PAM: variants seen among roughly 807,000 people sequenced by gnomAD.
PAM encodes the protein peptidylglycine alpha-amidating monooxygenase, also known as peptidyl-glycine alpha-amidating monooxygenase.
In PAM, 72 loss-of-function variants were observed where a neutral mutation model predicts 122.1. That is an observed-to-expected ratio of 0.59 (90% CI 0.49 to 0.72). The LOEUF (loss-of-function observed/expected upper bound fraction) is 0.72. Ranked by LOEUF, PAM falls within the 30% of genes least tolerant of loss-of-function variation. PAM has a pLI of 0.00. For synonymous variants in PAM, 389 were observed against 404.4 expected, an observed-to-expected ratio of 0.96 and a Z score of 0.46; for missense variants, 1,106 against 1,183.7, an observed-to-expected ratio of 0.93 and a Z score of 0.96.
intron 1 of PAM, among the ~76,000 whole-genome samples, chr5:102,757,713 G>C (rs184905184): frequency 1.4e-4 from 22 of 152,256 alleles, no homozygotes; most frequent in African/African-American, 5.1e-4. Flanking sequence ...GGTGGGTCCT[G>C]AAGTGACTCT....
At chr5:102,839,265 T>G (rs1777912341) in intron 1 of PAM, among the ~76,000 whole-genome samples, 1 of 152,194 alleles carries the variant, frequency 6.6e-6, no homozygotes, top group Non-Finnish European at 1.5e-5. Context: ...CAGAAATTTG[T>G]TACTGAAAAG....
intron 1 of PAM, among the ~76,000 whole-genome samples, chr5:102,860,001 C>A (rs990121638): frequency 3.4e-4 from 52 of 152,138 alleles, no homozygotes; most frequent in African/African-American, 1.2e-3. Flanking sequence ...AATGGCCTAA[C>A]ATAACAATGC....
intron 12 of PAM, 118 bp downstream of exon 12, chr5:102,950,938 A>G: frequency 1.6e-6 from 1 of 631,718 alleles, no homozygotes; most frequent in Admixed American, 2.9e-5. Context: ...GGACAATTAC[A>G]ACAAACTGTG....
At chr5:102,807,813 A>G (rs562079544) in intron 1 of PAM, among the ~76,000 whole-genome samples, 1 of 152,314 alleles carries the variant, frequency 6.6e-6, no homozygotes, top group East Asian at 1.9e-4. Context: ...TGGGAGCATT[A>G]TTTATTGACC....
intron 15 of PAM, among the ~76,000 whole-genome samples, chr5:102,982,043 C>T (rs766707861): frequency 3.4e-4 from 52 of 152,294 alleles, no homozygotes; most frequent in Non-Finnish European, 5.4e-4. Context: ...ACTGCCCCTG[C>T]CAGTGCCTGC....
chr5:102,802,959 A>G (rs1175474218), intron 1 of PAM, among the ~76,000 whole-genome samples: 1 of 152,026 alleles, frequency 6.6e-6, no homozygotes, highest in African/African-American at 2.4e-5. Context: ...CTCTACACAC[A>G]AAAAACATTA....
intron 1 of PAM, among the ~76,000 whole-genome samples, chr5:102,847,098 T>C (rs1561615905): frequency 6.6e-6 from 1 of 152,174 alleles, no homozygotes; most frequent in Non-Finnish European, 1.5e-5. Context: ...TTCTCCCGAG[T>C]CCCATTTTAC....
chr5:102,891,915 T>C (rs1052344399), intron 3 of PAM, among the ~76,000 whole-genome samples: 1 of 151,814 alleles, frequency 6.6e-6, no homozygotes, highest in Admixed American at 6.6e-5. Flanking sequence ...ATTGTTTGCC[T>C]ACTTTTCAGA....
intron 7 of PAM, among the ~76,000 whole-genome samples, chr5:102,942,028 A>G (rs989167454): frequency 2.0e-5 from 3 of 151,936 alleles, no homozygotes; most frequent in Middle Eastern, 3.2e-3. Context: ...CACAGAAATG[A>G]CCTTTTTTAT....
intron 23 of PAM, among the ~76,000 whole-genome samples, chr5:103,024,737 A>G (rs1181911949): frequency 6.6e-6 from 1 of 152,214 alleles, no homozygotes; most frequent in African/African-American, 2.4e-5. Context: ...GCCCAAAGTT[A>G]TACGGCTAGT....
chr5:102,978,832 TAAAA>T lies in PAM; in HGVS notation c.1483+4406_1483+4409del, dbSNP rs59992881. 5.0e-5 allele frequency among the ~76,000 whole-genome samples: 7 copies of T among 141,090 alleles called. 1 individual carries two copies. Among genetic ancestry groups the T allele is most frequent in the Admixed American group, 4.3e-4 (6 of 13,958 alleles). The allele number at this position is 141,090 out of a possible 152,430, so 92.6% of individuals were successfully genotyped here. On this transcript the variant is annotated intron_variant, in intron 15 of 25. Transcript: ENST00000438793. ...TGATCTCTGAGGGGAGGAGAATGGT[TAAAA>T]AAAAAAAAACACCTATACATAGCAC...
intron 1 of PAM, among the ~76,000 whole-genome samples, chr5:102,832,010 A>G (rs1399224138): frequency 6.6e-6 from 1 of 151,952 alleles, no homozygotes; most frequent in Non-Finnish European, 1.5e-5. Context: ...TTTATCTTCC[A>G]TTGAAATCCA....
chr5:102,780,896 ATTCT>A (rs1391180893), intron 1 of PAM, among the ~76,000 whole-genome samples: 1 of 132,272 alleles, frequency 7.6e-6, no homozygotes, highest in Non-Finnish European at 1.6e-5. Flanking sequence ...GGGTCAGGTA[ATTCT>A]TTGTTGTGGG....
intron 15 of PAM, among the ~76,000 whole-genome samples, chr5:102,980,356 G>C (rs887507139): frequency 2.0e-5 from 3 of 152,058 alleles, no homozygotes; most frequent in African/African-American, 7.2e-5. Context: ...AAGTGTTTAA[G>C]GTAGAACTCA....
chr5:102,786,973 A>C (rs1244558116), intron 1 of PAM, among the ~76,000 whole-genome samples: 5 of 152,168 alleles, frequency 3.3e-5, no homozygotes, highest in Non-Finnish European at 7.4e-5. Flanking sequence ...AATGAGAAGA[A>C]GGTAACACCT....
chr5:102,886,572 C>T (rs952776717), intron 3 of PAM, among the ~76,000 whole-genome samples: 4 of 151,910 alleles, frequency 2.6e-5, no homozygotes, highest in African/African-American at 9.7e-5. Flanking sequence ...TATTCTTTCT[C>T]TGTAAACCTA....
chr5:102,920,852 G>A (rs1332907754), intron 5 of PAM, among the ~76,000 whole-genome samples: 1 of 151,462 alleles, frequency 6.6e-6, no homozygotes, highest in African/African-American at 2.4e-5. Flanking sequence ...GATATTCCCT[G>A]AGTAACCTTG....
intron 15 of PAM, among the ~76,000 whole-genome samples, chr5:102,988,062 C>T (rs11242483): frequency 0.32 from 48,381 of 151,936 alleles, 7,851 homozygotes; most frequent in East Asian, 0.44. Flanking sequence ...GTGGTATCAG[C>T]ACATTTTCCA....
At chr5:102,911,157 C>A (rs1169471484) in intron 4 of PAM, among the ~76,000 whole-genome samples, 3 of 151,904 alleles carry the variant, frequency 2.0e-5, no homozygotes, top group Non-Finnish European at 4.4e-5. Context: ...AGGTAGTTTT[C>A]ATTTCAACTT....
Sources: allele counts gnomAD v4.1 joint callset (sites outside exome capture counted in the v4.1 genomes callset), GRCh38; gene constraint gnomAD v4.1.1; transcripts MANE v1.5; gene names NCBI Gene and HGNC (gene_info 2026-07-23, HGNC 2026-07-21).